The following MYO3B variants were observed in gnomAD, a reference collection of about 807,000 sequenced individuals.
MYO3B encodes myosin-IIIb.
MYO3B carries 156 observed loss-of-function variants against 174.6 expected under a neutral mutation model. The ratio of observed to expected loss-of-function variants is 0.89; its 90% CI spans 0.78 to 1.02. MYO3B has a LOEUF of 1.02. Among genes scored for constraint, MYO3B ranks in the 50% least tolerant of loss-of-function variants. MYO3B has a pLI of 0.00. For missense variants in MYO3B, 1,632 were observed against 1,639.4 expected (o/e 1.00, Z 0.08); for synonymous variants, 563 against 569.1 (o/e 0.99, Z 0.15).
chr2:170,631,813 G>A (rs933004455), intron 32 of MYO3B, among the ~76,000 whole-genome samples: 4 of 152,018 alleles, frequency 2.6e-5, no homozygotes, highest in African/African-American at 9.7e-5. Context: ...GATCTACCAA[G>A]CAAACGGAAA....
At position 170,200,296 on chromosome 2, in the gene MYO3B, C is replaced by T; in HGVS notation, c.321+12C>T. On this transcript the variant is annotated intron_variant, in intron 3 of 34. Transcript: ENST00000408978. Reference sequence around the variant, plus strand: ...GGCTGGTCCTGGAGGTAAGAGGCTCCCATTGGGTAACCAGTGATTTGAACA... The same window carrying T: ...GGCTGGTCCTGGAGGTAAGAGGCTCTCATTGGGTAACCAGTGATTTGAACA... 6.2e-7 allele frequency: 1 copy of T among 1,606,272 alleles called. No homozygotes were observed. Among genetic ancestry groups the T allele is most frequent in the Non-Finnish European group, 8.5e-7 (1 of 1,176,932 alleles).
rs537224516 is a variant in MYO3B, at chr2:170,266,298, T to C, written c.749+30162T>C. 3.9e-5 allele frequency among the ~76,000 whole-genome samples: 6 copies of C among 152,334 alleles called. No individual in the cohort carries two copies. The South Asian group carries it at 1.2e-3, about 32-fold the overall frequency. ...TGAGTGCCTACCTTGCCCATAAAAC[T>C]AAACAGTTCTAAACTCAACAAAACA... On this transcript the variant is annotated intron_variant, in intron 7 of 34. Coordinates refer to ENST00000408978, the MANE Select transcript of MYO3B (RefSeq NM_138995.5).
chr2:170,256,285 A>T (rs958850702), intron 7 of MYO3B, among the ~76,000 whole-genome samples: 4 of 152,156 alleles, frequency 2.6e-5, no homozygotes, highest in Non-Finnish European at 4.4e-5. Context: ...AAATTCAGAC[A>T]ACCCCTGTGA....
chr2:170,415,341 C>A (rs1393613812), intron 22 of MYO3B, among the ~76,000 whole-genome samples: 1 of 152,202 alleles, frequency 6.6e-6, no homozygotes, highest in African/African-American at 2.4e-5. Context: ...GCTATCCTAT[C>A]TAAAATTTCA....
Position 170,543,137 on chromosome 2 carries a change from G to A in MYO3B, c.3636+171G>A, listed in dbSNP as rs150917002. ...AAGCCCAGCTTGCTGAAGAACTTTG[G>A]TTCAGTAGAGAGACAGGGAGGTACA... On this transcript the variant is annotated intron_variant, in intron 31 of 34. Transcript: ENST00000408978. Among the ~76,000 whole-genome samples the A allele has an allele frequency of 4.3e-3, 653 of 152,266 alleles. 4 individuals carry two copies. Among genetic ancestry groups the A allele is most frequent in the African/African-American group, 0.015 (614 of 41,536 alleles).
At chr2:170,575,536 C>T (rs1692732362) in intron 32 of MYO3B, among the ~76,000 whole-genome samples, 1 of 152,002 alleles carries the variant, frequency 6.6e-6, no homozygotes, top group South Asian at 2.1e-4. Context: ...TTTTTATGTC[C>T]CACAAAATAT....
intron 25 of MYO3B, among the ~76,000 whole-genome samples, chr2:170,472,620 A>C (rs1308815668): frequency 1.3e-5 from 2 of 151,946 alleles, no homozygotes; most frequent in African/African-American, 4.8e-5. Flanking sequence ...TCTACCTCTT[A>C]TCTGAACCTT....
At chr2:170,443,874 C>T in intron 22 of MYO3B, 93 bp from the exon 23 acceptor site, 2 of 1,014,054 alleles carry the variant, frequency 2.0e-6, no homozygotes, top group Non-Finnish European at 1.4e-6. Context: ...TTTGAAAATT[C>T]AGAAAAATAC....
intron 18 of MYO3B, 112 bp downstream of exon 18, chr2:170,401,803 T>TTTTC: frequency 5.5e-6 from 2 of 363,378 alleles, no homozygotes; most frequent in Non-Finnish European, 7.8e-6. Flanking sequence ...TTTCTTTTTC[T>TTTTC]TTTTTTTTTT....
intron 30 of MYO3B, 29 bp from the exon 31 acceptor site, chr2:170,542,877 T>C (rs1265884494): frequency 6.5e-7 from 1 of 1,542,584 alleles, no homozygotes; most frequent in Non-Finnish European, 8.8e-7. Context: ...TCAAGTCTTT[T>C]AAAATTATTA....
chr2:170,640,043 G>A (rs765853020), intron 32 of MYO3B, among the ~76,000 whole-genome samples: 1 of 152,170 alleles, frequency 6.6e-6, no homozygotes, highest in Non-Finnish European at 1.5e-5. Flanking sequence ...TTTCAAAATG[G>A]CAGATAGCTA....
At chr2:170,226,190 C>G (rs1237792578) in intron 6 of MYO3B, among the ~76,000 whole-genome samples, 1 of 152,172 alleles carries the variant, frequency 6.6e-6, no homozygotes, top group African/African-American at 2.4e-5. Context: ...GGGACCCTGT[C>G]TGCCGGTCAT....
chr2:170,534,895 A>G (rs1224714339), intron 30 of MYO3B, among the ~76,000 whole-genome samples: 1 of 152,166 alleles, frequency 6.6e-6, no homozygotes, highest in Non-Finnish European at 1.5e-5. Context: ...ACGTGCCATA[A>G]CACATAGTGT....
intron 32 of MYO3B, among the ~76,000 whole-genome samples, chr2:170,552,251 A>G (rs1351318994): frequency 6.6e-6 from 1 of 152,244 alleles, no homozygotes; most frequent in Admixed American, 6.5e-5. Flanking sequence ...ATCAGAAGAC[A>G]GGAAGGTGAG....
chr2:170,246,008 T>G (rs945358927), intron 7 of MYO3B, among the ~76,000 whole-genome samples: 2 of 152,210 alleles, frequency 1.3e-5, no homozygotes, highest in Admixed American at 1.3e-4. Context: ...TTGGTTTGGG[T>G]CAAGTTCAGC....
At chr2:170,522,553 T>A (rs934938335) in intron 30 of MYO3B, among the ~76,000 whole-genome samples, 3 of 152,254 alleles carry the variant, frequency 2.0e-5, no homozygotes, top group African/African-American at 7.2e-5. Context: ...TATTCTGACT[T>A]GTTCAAAGAA....
intron 7 of MYO3B, among the ~76,000 whole-genome samples, chr2:170,264,574 C>A (rs759273609): frequency 2.6e-5 from 4 of 152,156 alleles, no homozygotes; most frequent in Non-Finnish European, 5.9e-5. Flanking sequence ...CAATCTGCCA[C>A]GTGCTGGTTG....
At chr2:170,594,377 T>A (rs1289625013) in intron 32 of MYO3B, among the ~76,000 whole-genome samples, 3 of 152,136 alleles carry the variant, frequency 2.0e-5, no homozygotes, top group Non-Finnish European at 4.4e-5. Context: ...GAGGAGAGAC[T>A]CTAGGCTTGC....
chr2:170,601,058 A>G (rs557641117), intron 32 of MYO3B, among the ~76,000 whole-genome samples: 1 of 152,326 alleles, frequency 6.6e-6, no homozygotes, highest in East Asian at 1.9e-4. Context: ...AGCTAACTAT[A>G]TGAAAGGATA....
Sources: gnomAD v4.1 joint callset for allele counts (sites outside exome capture counted in the v4.1 genomes callset) on GRCh38, gnomAD v4.1.1 for gene constraint, MANE v1.5 for transcripts, NCBI Gene and HGNC (gene_info 2026-07-23, HGNC 2026-07-21) for gene names.